STAT4: variants seen among roughly 807,000 people sequenced by gnomAD.
STAT4 encodes the protein signal transducer and activator of transcription 4.
In STAT4, 42 loss-of-function variants were observed where a neutral mutation model predicts 110.5. The observed-to-expected ratio is 0.38, with a 90% CI of 0.30 to 0.49. The LOEUF is 0.49. Among genes scored for constraint, STAT4 ranks in the 20% least tolerant of loss-of-function variants. STAT4 has a pLI of 0.95. For missense variants in STAT4, 632 were observed against 887.9 expected, an observed-to-expected ratio of 0.71 and a Z score of 3.66; for synonymous variants, 284 against 302.2, an observed-to-expected ratio of 0.94 and a Z score of 0.63.
rs139085875 is a variant in STAT4 at position 191,036,219 on chromosome 2, G to A, written c.1515C>T (p.Tyr505=). 1.3e-4 allele frequency: 208 copies of A among 1,614,118 alleles called. 2 individuals carry two copies. Among genetic ancestry groups the A allele is most frequent in the South Asian group, 1.1e-3 (104 of 91,082 alleles). ...LEVMSWQFSS[Y]VGRGLNSDQL... ...GATCTGAGTTAAGACCACGACCAAC[G>A]TACGATGAAAACTGCCAGCTCATCA... is the stretch of plus-strand genomic sequence containing the variant. The change falls in exon 17 of 24, where the codon TAC becomes TAT. Residue 505 remains tyrosine, a synonymous_variant. Transcript: ENST00000392320.
chr2:191,128,216 G>A (rs1282069920), intron 3 of STAT4, among the ~76,000 whole-genome samples: 1 of 152,244 alleles, frequency 6.6e-6, no homozygotes, highest in Non-Finnish European at 1.5e-5. Context: ...TTGACGAATT[G>A]ACTGCTACCC....
At chr2:191,101,416 T>C (rs773246419) in intron 3 of STAT4, among the ~76,000 whole-genome samples, 44 of 152,288 alleles carry the variant, frequency 2.9e-4, no homozygotes, top group Non-Finnish European at 4.1e-4. Context: ...CATTAAAAAT[T>C]GTTCGACAAC....
rs1266874122 is a variant in STAT4 at position 191,057,440 on chromosome 2, C to CA, written c.1206+577dup. Among the ~76,000 whole-genome samples, 4 of 152,074 alleles carry CA rather than the reference C, an allele frequency of 2.6e-5. No individual in the cohort carries two copies. In the South Asian group the frequency reaches 8.3e-4, roughly 32 times the overall value. ...GTAATTATCAGCAAAATATACTGAC[C>CA]AACTACTATGTATACTTAGGTACTA... On this transcript the variant is annotated intron_variant, in intron 13 of 23. Transcript: ENST00000392320.
chr2:191,149,517 C>T (rs1417517000), intron 1 of STAT4, among the ~76,000 whole-genome samples: 1 of 152,136 alleles, frequency 6.6e-6, no homozygotes, highest in Admixed American at 6.5e-5. Context: ...ATGAGTGGCA[C>T]TCCTGACATT....
chr2:191,127,512 C>T (rs1698913561), intron 3 of STAT4, among the ~76,000 whole-genome samples: 1 of 152,214 alleles, frequency 6.6e-6, no homozygotes, highest in East Asian at 1.9e-4. Context: ...TATTCATTTT[C>T]ACTTTGTCTC....
At chr2:191,052,037 T>C (rs766894860) in intron 14 of STAT4, among the ~76,000 whole-genome samples, 5 of 152,226 alleles carry the variant, frequency 3.3e-5, no homozygotes, top group Non-Finnish European at 7.3e-5. Flanking sequence ...TGCTCACAGA[T>C]AAGCAATAGC....
chr2:191,045,052 G>A (rs1011429507), intron 14 of STAT4, among the ~76,000 whole-genome samples: 4 of 152,090 alleles, frequency 2.6e-5, no homozygotes, highest in African/African-American at 9.7e-5. Flanking sequence ...TGAAGATGGG[G>A]CAGAATTTCT....
Position 191,042,538 on chromosome 2 carries a change from G to A in STAT4, c.1252-1390C>T, listed in dbSNP as rs1696233245. The stretch of plus-strand genomic sequence containing the variant: ...TGAACAAAAAATAGGATTTTATTAA[G>A]GAAGCATTTTAAAAAAATTATTATT... On this transcript the variant is annotated intron_variant, in intron 14 of 23. Transcript: ENST00000392320. This position sits in a 1 kb window ranked among gnomAD's most constrained non-coding sequence, Gnocchi z 4.2. Among the ~76,000 whole-genome samples the A allele has an allele frequency of 6.6e-6, 1 of 152,030 alleles. No homozygotes were observed. The highest frequency in any genetic ancestry group is 6.6e-5 in the Admixed American group (1 of 15,248).
intron 3 of STAT4, among the ~76,000 whole-genome samples, chr2:191,127,680 G>A (rs1440671170): frequency 2.0e-5 from 3 of 152,154 alleles, no homozygotes; most frequent in Non-Finnish European, 2.9e-5. Context: ...GTACCCCAAA[G>A]TAAATCATAT....
At chr2:191,041,413 G>T (rs534569653) in intron 14 of STAT4, 80 of 173,260 alleles carry the variant, frequency 4.6e-4, no homozygotes, top group Non-Finnish European at 6.4e-4. Flanking sequence ...TTTTTTTTCA[G>T]TTGAAATTTA....
At chr2:191,148,637 A>AC (rs1319611774) in intron 1 of STAT4, among the ~76,000 whole-genome samples, 1 of 150,012 alleles carries the variant, frequency 6.7e-6, no homozygotes, top group East Asian at 2.0e-4. Flanking sequence ...GTGAGGAACA[A>AC]CCCCCCAAGA....
chr2:191,046,657 G>A lies in STAT4; in HGVS notation c.1252-5509C>T, dbSNP rs1304431143. Among the ~76,000 whole-genome samples the A allele has an allele frequency of 6.6e-6, 1 of 152,188 alleles. No homozygotes were observed. The highest frequency in any genetic ancestry group is 1.5e-5 in the Non-Finnish European group (1 of 68,026). ...ATGGTTGAAGGAAAACTTTCGGAGT[G>A]AGGTGCTATGATATTGTGATATAAT... On this transcript the variant is annotated intron_variant, in intron 14 of 23. Transcript: ENST00000392320. The surrounding 1 kb of genome is among the most constrained non-coding windows in gnomAD (Gnocchi z 4.6).
Position 191,042,998 on chromosome 2 carries a change from C to T in STAT4, c.1252-1850G>A, listed in dbSNP as rs548917067. 5.3e-5 allele frequency among the ~76,000 whole-genome samples: 8 copies of T among 152,236 alleles called. No homozygotes were observed. Among genetic ancestry groups the T allele is most frequent in the South Asian group, 2.1e-4 (1 of 4,832 alleles). ...TTCTCCATGTTGGTCAAGCTGGGCT[C>T]GAACTCCCGACCTCAGGTGATCCAC... On this transcript the variant is annotated intron_variant, in intron 14 of 23. Coordinates refer to ENST00000392320, the MANE Select transcript of STAT4 (RefSeq NM_003151.4). The surrounding 1 kb of genome is among the most constrained non-coding windows in gnomAD (Gnocchi z 4.2).
In STAT4 at chr2:191,062,777, T is replaced by C. The variant is rs1355742046; in HGVS notation, c.926A>G (p.Tyr309Cys). 6.2e-7 allele frequency: 1 copy of C among 1,613,790 alleles called. No individual in the cohort carries two copies. The highest frequency in any genetic ancestry group is 1.1e-5 in the South Asian group (1 of 91,076). ...HMLERVTFLI[Y>C]NLFKNSFVVE... is the part of the protein sequence containing the mutation. ...CTTCACTTACTTCTTGAAAAGGTTG[T>C]AGATCAAGAAGGTGACTCTTTCTAG... Residue 309 changes from tyrosine (Y) to cysteine (C), a missense_variant, in exon 9 of 24, where the codon TAC becomes TGC. By Grantham distance (194) the Tyr-to-Cys change is radical. Coordinates refer to ENST00000392320, the MANE Select transcript of STAT4 (RefSeq NM_003151.4). This position sits in a 1 kb window ranked among gnomAD's most constrained non-coding sequence, Gnocchi z 4.9.
chr2:191,143,792 A>ATT lies in STAT4; in HGVS notation c.273+2819_273+2820dup, dbSNP rs59457639. Among the ~76,000 whole-genome samples, 38 of 150,730 alleles carry ATT rather than the reference A, an allele frequency of 2.5e-4. No homozygotes were observed. Among genetic ancestry groups the ATT allele is most frequent in the East Asian group, 3.9e-4 (2 of 5,132 alleles). On this transcript the variant is annotated intron_variant, in intron 3 of 23. Coordinates refer to ENST00000392320, the MANE Select transcript of STAT4 (RefSeq NM_003151.4). This position sits in a 1 kb window ranked among gnomAD's most constrained non-coding sequence, Gnocchi z 5.6. ...AGCGTCAACAGCCTTTTGATAGGGA[A>ATT]TTTTTTTTTTCTTTTTTGTGGGGAA...
intron 3 of STAT4, among the ~76,000 whole-genome samples, chr2:191,080,007 G>A (rs1697418203): frequency 6.6e-6 from 1 of 152,020 alleles, no homozygotes; most frequent in Admixed American, 6.6e-5. Context: ...TTGCCTGATA[G>A]ATTTTTGCAG....
chr2:191,122,785 C>T (rs6759420), intron 3 of STAT4, among the ~76,000 whole-genome samples: 152,289 of 152,346 alleles, frequency 1, 76,117 homozygotes, highest in Non-Finnish European at 1. Flanking sequence ...ATTTCACTCA[C>T]ATGAAGTTCA....
chr2:191,064,156 TA>T (rs1157770294), intron 8 of STAT4, among the ~76,000 whole-genome samples: 1 of 152,218 alleles, frequency 6.6e-6, no homozygotes, highest in African/African-American at 2.4e-5. Context: ...AATTGACACA[TA>T]AAAATTGTAT....
chr2:191,040,572 A>AT (rs1333791776), intron 15 of STAT4, among the ~76,000 whole-genome samples: 4 of 151,758 alleles, frequency 2.6e-5, no homozygotes, highest in Non-Finnish European at 5.9e-5. Flanking sequence ...TTATTTATTT[A>AT]TTTTTTTGAG....
Sources: gnomAD v4.1 joint callset for allele counts (sites outside exome capture counted in the v4.1 genomes callset) on GRCh38, gnomAD v4.1.1 for gene constraint, Gnocchi (gnomAD v3.1) non-coding constraint, MANE v1.5 for transcripts, NCBI Gene and HGNC (gene_info 2026-07-23, HGNC 2026-07-21) for gene names.